CNTNAP2: variants seen among roughly 807,000 people sequenced by gnomAD.
CNTNAP2 encodes the protein contactin associated protein 2, also known as contactin-associated protein-like 2.
In CNTNAP2, 98 loss-of-function variants were observed where a neutral mutation model predicts 155.2. That is an observed-to-expected ratio of 0.63 (90% CI 0.54 to 0.75). The LOEUF (loss-of-function observed/expected upper bound fraction) is 0.75. Ranked by LOEUF, CNTNAP2 falls within the 30% of genes least tolerant of loss-of-function variation. The probability of loss-of-function intolerance (pLI) is 0.00; values close to 1 mark genes in which losing one functional copy is unlikely to be tolerated. For missense variants in CNTNAP2, 1,727 were observed against 1,688.1 expected (o/e 1.02, Z -0.40); for synonymous variants, 651 against 631.2 (o/e 1.03, Z -0.47).
chr7:147,271,001 A>T (rs1804736107), intron 8 of CNTNAP2, among the ~76,000 whole-genome samples: 1 of 151,920 alleles, frequency 6.6e-6, no homozygotes, highest in African/African-American at 2.4e-5. Context: ...TTTATACCTG[A>T]TTTTTCGGAA....
chr7:147,188,126 A>G (rs1224117844), intron 8 of CNTNAP2, among the ~76,000 whole-genome samples: 6 of 152,212 alleles, frequency 3.9e-5, no homozygotes, highest in Non-Finnish European at 7.3e-5. Flanking sequence ...CCAAGAGGGC[A>G]CTAGAAAGAG....
chr7:146,308,688 G>C (rs1450609689), intron 1 of CNTNAP2, among the ~76,000 whole-genome samples: 1 of 152,134 alleles, frequency 6.6e-6, no homozygotes, highest in African/African-American at 2.4e-5. Flanking sequence ...GGACATGGAT[G>C]AAGCTGGAAA....
intron 8 of CNTNAP2, among the ~76,000 whole-genome samples, chr7:147,265,913 G>A (rs11972675): frequency 0.19 from 28,485 of 152,110 alleles, 2,970 homozygotes; most frequent in Non-Finnish European, 0.23. Context: ...CTACAGAGGA[G>A]GGACCTGACT....
intron 3 of CNTNAP2, among the ~76,000 whole-genome samples, chr7:146,900,228 A>G (rs539595851): frequency 2.0e-4 from 31 of 152,310 alleles, no homozygotes; most frequent in African/African-American, 7.5e-4. Context: ...GTCCTGTAGC[A>G]TAGTCAATCA....
chr7:147,527,900 C>T (rs1381662785), intron 11 of CNTNAP2, among the ~76,000 whole-genome samples: 1 of 152,104 alleles, frequency 6.6e-6, no homozygotes, highest in Non-Finnish European at 1.5e-5. Flanking sequence ...GATAATAAGA[C>T]AGGAGAGGGA....
chr7:146,330,763 A>G (rs1191143110), intron 1 of CNTNAP2, among the ~76,000 whole-genome samples: 1 of 152,204 alleles, frequency 6.6e-6, no homozygotes, highest in Non-Finnish European at 1.5e-5. Context: ...GATAGTAGCG[A>G]CAAAAATGGG....
intron 8 of CNTNAP2, among the ~76,000 whole-genome samples, chr7:147,149,719 G>GGATA (rs910195862): frequency 2.0e-5 from 3 of 152,076 alleles, no homozygotes; most frequent in African/African-American, 7.2e-5. Context: ...ATGGATGGAT[G>GGATA]GATAGATAGA....
At chr7:147,963,123 A>G (rs1332178126) in intron 14 of CNTNAP2, among the ~76,000 whole-genome samples, 1 of 152,154 alleles carries the variant, frequency 6.6e-6, no homozygotes, top group African/African-American at 2.4e-5. Flanking sequence ...TTTACTCAAG[A>G]AGGTCACATT....
At chr7:147,989,219 C>A (rs926358939) in intron 15 of CNTNAP2, among the ~76,000 whole-genome samples, 1 of 152,176 alleles carries the variant, frequency 6.6e-6, no homozygotes, top group Non-Finnish European at 1.5e-5. Flanking sequence ...ACAGGCCACG[C>A]TTAGGCCAGC....
chr7:146,408,979 T>G (rs866759836), intron 1 of CNTNAP2, among the ~76,000 whole-genome samples: 1 of 152,150 alleles, frequency 6.6e-6, no homozygotes, highest in Non-Finnish European at 1.5e-5. Flanking sequence ...ATCTGGAGAA[T>G]AGACACAATG....
chr7:147,945,533 T>A (rs1800803195), intron 14 of CNTNAP2, among the ~76,000 whole-genome samples: 1 of 152,084 alleles, frequency 6.6e-6, no homozygotes, highest in Non-Finnish European at 1.5e-5. Context: ...TCAAAAAGCT[T>A]TTTATTTGGG....
chr7:146,439,126 T>G (rs567426991), intron 1 of CNTNAP2, among the ~76,000 whole-genome samples: 51 of 151,678 alleles, frequency 3.4e-4, no homozygotes, highest in Admixed American at 7.2e-4. Context: ...ATACATCTGT[T>G]CTCTTTTTTA....
intron 1 of CNTNAP2, among the ~76,000 whole-genome samples, chr7:146,284,126 A>G (rs1490502336): frequency 1.3e-5 from 2 of 152,200 alleles, no homozygotes; most frequent in Non-Finnish European, 2.9e-5. Context: ...TATGTGTATT[A>G]TTGATGATTA....
intron 13 of CNTNAP2, among the ~76,000 whole-genome samples, chr7:147,810,888 C>T (rs1446980339): frequency 6.6e-6 from 1 of 152,130 alleles, no homozygotes; most frequent in Non-Finnish European, 1.5e-5. Flanking sequence ...AACCGGGGTT[C>T]CTCCTTTCTC....
chr7:147,887,139 C>T (rs1799615608), intron 13 of CNTNAP2, among the ~76,000 whole-genome samples: 1 of 152,092 alleles, frequency 6.6e-6, no homozygotes, highest in Admixed American at 6.6e-5. Flanking sequence ...CAATTAAGGC[C>T]AAATAGATAC....
chr7:148,048,729 TA>T (rs979087090), intron 15 of CNTNAP2, among the ~76,000 whole-genome samples: 58 of 152,278 alleles, frequency 3.8e-4, no homozygotes, highest in Admixed American at 3.4e-3. Context: ...CTGTGTGAGC[TA>T]AAAAACCAGA....
intron 1 of CNTNAP2, among the ~76,000 whole-genome samples, chr7:146,447,480 AT>A (rs1337067998): frequency 6.6e-6 from 1 of 151,988 alleles, no homozygotes; most frequent in East Asian, 1.9e-4. Context: ...CAATTTTCAA[AT>A]TGTTTCCTAC....
chr7:147,730,029 A>G (rs1401292226), intron 13 of CNTNAP2, among the ~76,000 whole-genome samples: 1 of 152,144 alleles, frequency 6.6e-6, no homozygotes, highest in Non-Finnish European at 1.5e-5. Flanking sequence ...AACAATTAAT[A>G]TCTATGGCTA....
At chr7:148,097,026 C>G (rs1425890610) in intron 15 of CNTNAP2, among the ~76,000 whole-genome samples, 1 of 152,068 alleles carries the variant, frequency 6.6e-6, no homozygotes, top group Admixed American at 6.6e-5. Context: ...AATCCATGCT[C>G]CAGGAATGGG....
Sources: gnomAD v4.1 joint callset for allele counts (sites outside exome capture counted in the v4.1 genomes callset) on GRCh38, gnomAD v4.1.1 for gene constraint, MANE v1.5 for transcripts, NCBI Gene and HGNC (gene_info 2026-07-23, HGNC 2026-07-21) for gene names.